The following MAP1LC3B variants were observed in gnomAD, a reference collection of about 807,000 sequenced individuals.
The protein encoded by MAP1LC3B is microtubule associated protein 1 light chain 3 beta.
A neutral mutation model predicts 16.7 loss-of-function variants in MAP1LC3B; 12 were observed. That is an observed-to-expected ratio of 0.72 (90% CI 0.46 to 1.16). The LOEUF is 1.16. Ranked by LOEUF, MAP1LC3B falls within the 50% of genes most tolerant of loss-of-function variation. The pLI is 0.00. For missense variants in MAP1LC3B, 155 were observed against 159.5 expected (o/e 0.97, Z 0.15); for synonymous variants, 63 against 56.5 (o/e 1.11, Z -0.51).
At chr16:87,399,590 T>A (rs1455343972) in intron 2 of MAP1LC3B, 4 of 453,658 alleles carry the variant, frequency 8.8e-6, no homozygotes, top group South Asian at 3.1e-5. Context: ...TTCTCTTTGT[T>A]GTGACAGGGT....
At chr16:87,393,608 G>C (rs1254486885) in intron 1 of MAP1LC3B, among the ~76,000 whole-genome samples, 1 of 152,202 alleles carries the variant, frequency 6.6e-6, no homozygotes, top group Non-Finnish European at 1.5e-5. Context: ...ACAGCCTCTT[G>C]AGGCAGTCCG....
At chr16:87,402,407 TCTGA>T in intron 3 of MAP1LC3B, 126 bp downstream of exon 3, 1 of 876,390 alleles carries the variant, frequency 1.1e-6, no homozygotes, top group South Asian at 2.0e-5. Context: ...TGAATTCAGT[TCTGA>T]TTCAGTTATG....
intron 2 of MAP1LC3B, 43 bp downstream of exon 2, chr16:87,398,913 G>GAGGA: frequency 6.4e-7 from 1 of 1,557,136 alleles, no homozygotes; most frequent in South Asian, 1.1e-5. Context: ...AATGTACGCA[G>GAGGA]AGGAGAGCAC....
rs1459346752 is a variant in MAP1LC3B, at chr16:87,403,992, T to G, written c.*895T>G. ...ATTAACATTCAGACACACTCCCTTC[T>G]GCCTTCCGGCTTAAAGCTGTGGATG... On this transcript the variant is annotated 3_prime_UTR_variant, in exon 4 of 4. Coordinates refer to ENST00000268607, the MANE Select transcript of MAP1LC3B (RefSeq NM_022818.5). 1.3e-5 allele frequency: 2 copies of G among 152,204 alleles called. No individual in the cohort carries two copies. Among genetic ancestry groups the G allele is most frequent in the Admixed American group, 1.3e-4 (2 of 15,278 alleles). The allele number at this position is 152,204 out of a possible 1,614,324, so 9.4% of individuals were successfully genotyped here. A position where few individuals can be genotyped will look rare whatever the true frequency, so the allele number is the denominator to read the frequency against.
intron 2 of MAP1LC3B, chr16:87,399,424 T>C: frequency 6.3e-6 from 2 of 315,714 alleles, no homozygotes; most frequent in African/African-American, 2.2e-5. Flanking sequence ...ACGTGTCCGC[T>C]AGATAAAGCT....
At chr16:87,396,018 G>C (rs1212872443) in intron 1 of MAP1LC3B, among the ~76,000 whole-genome samples, 1 of 151,186 alleles carries the variant, frequency 6.6e-6, no homozygotes. Flanking sequence ...CCGCCATCAC[G>C]CCCAGCTAAT....
At chr16:87,396,358 C>G (rs569159634) in intron 1 of MAP1LC3B, among the ~76,000 whole-genome samples, 1 of 151,740 alleles carries the variant, frequency 6.6e-6, no homozygotes, top group African/African-American at 2.4e-5. Context: ...GCCTGTAGTC[C>G]CAGCTACTTG....
chr16:87,404,203 C>G lies in MAP1LC3B; in HGVS notation c.*1106C>G, dbSNP rs1441061656. 6.6e-6 allele frequency: 1 copy of G among 152,160 alleles called. No individual in the cohort carries two copies. Among genetic ancestry groups the G allele is most frequent in the African/African-American group, 2.4e-5 (1 of 41,420 alleles). 9.4% of individuals were successfully genotyped at this position (152,160 alleles called of 1,614,324 possible). ...GTACGCTCTTTACAGATACTAATGT[C>G]AAGAGTTAAACCTCCTCAGGTTCAA... On this transcript the variant is annotated 3_prime_UTR_variant, in exon 4 of 4. Coordinates refer to ENST00000268607, the MANE Select transcript of MAP1LC3B (RefSeq NM_022818.5).
intron 2 of MAP1LC3B, among the ~76,000 whole-genome samples, chr16:87,401,926 G>A (rs1235354358): frequency 2.6e-5 from 4 of 151,742 alleles, no homozygotes; most frequent in African/African-American, 7.3e-5. Flanking sequence ...TCCACCTCCC[G>A]GGTTCACGCC....
In MAP1LC3B at chr16:87,402,818, AG is replaced by A. The variant is rs1908041962; in HGVS notation, c.204-104del. On this transcript the variant is annotated intron_variant, in intron 3 of 3. Transcript: ENST00000268607. ...AGAAGTATTGGATTCAAGAGCATTT[AG>A]AACATTTTTATATTTTACCGATCAG... The A allele has an allele frequency of 6.0e-6, 8 of 1,334,540 alleles. No homozygotes were observed. In the Admixed American group the frequency reaches 1.6e-4, roughly 27 times the overall value. The allele number at this position is 1,334,540 out of a possible 1,614,324, so 82.7% of individuals were successfully genotyped here. A position where few individuals can be genotyped will look rare whatever the true frequency, so the allele number is the denominator to read the frequency against.
At position 87,398,897 on chromosome 16, in the gene MAP1LC3B, G is replaced by A. The variant is rs1275819550; in HGVS notation, c.96+27G>A. 3.1e-6 allele frequency: 5 copies of A among 1,605,036 alleles called. No individual in the cohort carries two copies. The East Asian group carries it at 6.7e-5, about 21-fold the overall frequency. ...TAGGTAGTCTCAGGCCTCGGTTTCAGTCATGAATGTACGCAGAGGAGAGCA... is the reference window on the plus strand; with the variant it reads ...TAGGTAGTCTCAGGCCTCGGTTTCAATCATGAATGTACGCAGAGGAGAGCA... On this transcript the variant is annotated intron_variant, in intron 2 of 3. Coordinates refer to ENST00000268607, the MANE Select transcript of MAP1LC3B (RefSeq NM_022818.5).
At chr16:87,402,601 C>CTT in intron 3 of MAP1LC3B, 1 of 534,004 alleles carries the variant, frequency 1.9e-6, no homozygotes, top group Non-Finnish European at 3.3e-6. Flanking sequence ...AATGTAGACT[C>CTT]TGTGAGTGGC....
intron 2 of MAP1LC3B, among the ~76,000 whole-genome samples, chr16:87,400,905 C>T (rs565290445): frequency 2.9e-4 from 44 of 151,994 alleles, no homozygotes; most frequent in Non-Finnish European, 4.4e-4. Context: ...AAGGCCGAGG[C>T]GGGTGGATCA....
chr16:87,392,379 G>A lies in MAP1LC3B; in HGVS notation c.-49G>A, dbSNP rs760312011. ...GCAGCAGCCGCCGCCCCCGGGAGCCGCCGGGACCCTCGCGTCGTCGCCGCC... is the reference window on the plus strand; with the variant it reads ...GCAGCAGCCGCCGCCCCCGGGAGCCACCGGGACCCTCGCGTCGTCGCCGCC... On this transcript the variant is annotated 5_prime_UTR_variant, in exon 1 of 4. Transcript: ENST00000268607. 1.9e-5 allele frequency: 27 copies of A among 1,400,370 alleles called. No individual in the cohort carries two copies. Among genetic ancestry groups the A allele is most frequent in the Admixed American group, 3.5e-5 (1 of 28,598 alleles). 86.7% of individuals were successfully genotyped at this position (1,400,370 alleles called of 1,614,324 possible). A position where few individuals can be genotyped will look rare whatever the true frequency, so the allele number is the denominator to read the frequency against.
intron 1 of MAP1LC3B, chr16:87,392,672 C>A: frequency 3.5e-6 from 1 of 285,768 alleles, no homozygotes; most frequent in Non-Finnish European, 5.6e-6. Flanking sequence ...GGGCCAGGGG[C>A]TGGTCTGGGC....
intron 2 of MAP1LC3B, among the ~76,000 whole-genome samples, chr16:87,401,678 T>C (rs1907997774): frequency 6.6e-6 from 1 of 152,098 alleles, no homozygotes; most frequent in Non-Finnish European, 1.5e-5. Context: ...TACAGGCACC[T>C]GCCACCACAC....
At chr16:87,393,228 A>G (rs1311748494) in intron 1 of MAP1LC3B, 1 of 152,288 alleles carries the variant, frequency 6.6e-6, no homozygotes, top group Non-Finnish European at 1.5e-5. Flanking sequence ...CATTTGGTTA[A>G]ACGTGCAGGT....
rs1203031350 is a variant in MAP1LC3B, at chr16:87,403,351, A to G, written c.*254A>G. ...TTTCAAATTTTAAAAGTTTAAAAAT[A>G]AAATACTTTGCATTCTAAGTTGCCA... On this transcript the variant is annotated 3_prime_UTR_variant, in exon 4 of 4. Coordinates refer to ENST00000268607, the MANE Select transcript of MAP1LC3B (RefSeq NM_022818.5). 6.2e-6 allele frequency: 2 copies of G among 325,056 alleles called. No individual in the cohort carries two copies. The highest frequency in any genetic ancestry group is 5.7e-5 in the East Asian group (1 of 17,434). 20.1% of individuals were successfully genotyped at this position (325,056 alleles called of 1,614,324 possible). A position where few individuals can be genotyped will look rare whatever the true frequency, so the allele number is the denominator to read the frequency against.
At chr16:87,402,895 ATTTC>A (rs1457022009) in intron 3 of MAP1LC3B, 24 bp from the exon 4 acceptor site, 1 of 1,613,040 alleles carries the variant, frequency 6.2e-7, no homozygotes, top group Non-Finnish European at 8.5e-7. Flanking sequence ...TGTTGTCAAT[ATTTC>A]TTCACGTTGT....
Sources: gnomAD v4.1 joint callset for allele counts (sites outside exome capture counted in the v4.1 genomes callset) on GRCh38, gnomAD v4.1.1 for gene constraint, MANE v1.5 for transcripts, NCBI Gene and HGNC (gene_info 2026-07-23, HGNC 2026-07-21) for gene names.